RPA3: variants seen among roughly 807,000 people sequenced by gnomAD.
RPA3 encodes replication protein A3, also known as replication protein A 14 kDa subunit.
A neutral mutation model predicts 13.7 loss-of-function variants in RPA3; 24 were observed. The observed-to-expected ratio is 1.75, with a 90% confidence interval of 1.27 to 2.46. The LOEUF (loss-of-function observed/expected upper bound fraction) is 2.46, where lower values mean the gene tolerates loss of function less well. RPA3 is among the 30% of genes most tolerant of loss of function. The probability of loss-of-function intolerance (pLI) is 0.00; values close to 1 mark genes in which losing one functional copy is unlikely to be tolerated. For missense variants in RPA3, 183 were observed against 151.0 expected, an observed-to-expected ratio of 1.21 and a Z score of -1.11; for synonymous variants, 59 against 51.2, an observed-to-expected ratio of 1.15 and a Z score of -0.65.
At position 7,637,953 on chromosome 7, in the gene RPA3, C is replaced by G. The variant is rs775111887; in HGVS notation, c.194G>C (p.Gly65Ala). 2 of 1,613,170 alleles carry G rather than the reference C, an allele frequency of 1.2e-6. No homozygotes were observed. The highest frequency in any genetic ancestry group is 2.7e-5 in the African/African-American group (2 of 74,876). The change falls in exon 7 of 8, where the codon GGA becomes GCA. Residue 65 changes from glycine to alanine, a missense_variant. Gly to Ala is a moderately conservative substitution (Grantham distance 60). Coordinates refer to ENST00000223129, the MANE Select transcript of RPA3 (RefSeq NM_002947.5). ...TACTCTTCCAACCACTTCCACAATT[C>G]CAGAGATTTCTTCATCAAGCTAAGA... is the stretch of plus-strand genomic sequence containing the variant. ...LMEPLDEEIS[G>A]IVEVVGRVTA...
intron 4 of RPA3, among the ~76,000 whole-genome samples, chr7:7,657,624 A>G (rs548749309): frequency 6.2e-4 from 94 of 151,866 alleles, no homozygotes; most frequent in African/African-American, 2.2e-3. Context: ...ATGGTTGTAG[A>G]TGTGTGGTAT....
chr7:7,713,682 G>T (rs1301312760), intron 2 of RPA3, among the ~76,000 whole-genome samples: 1 of 151,794 alleles, frequency 6.6e-6, no homozygotes, highest in Non-Finnish European at 1.5e-5. Flanking sequence ...TTTGTCCTTG[G>T]ATCATCATTT....
At chr7:7,672,515 T>C (rs546591619) in intron 4 of RPA3, among the ~76,000 whole-genome samples, 21 of 152,318 alleles carry the variant, frequency 1.4e-4, no homozygotes, top group African/African-American at 4.8e-4. Context: ...AATCTCACTT[T>C]GAATTGTATT....
intron 4 of RPA3, among the ~76,000 whole-genome samples, chr7:7,660,353 G>T (rs1256119231): frequency 6.6e-6 from 1 of 152,194 alleles, no homozygotes; most frequent in East Asian, 1.9e-4. Flanking sequence ...TATTATGCCA[G>T]CTGGTTATTT....
intron 4 of RPA3, among the ~76,000 whole-genome samples, chr7:7,647,174 C>T (rs141733043): frequency 2.0e-5 from 3 of 152,280 alleles, no homozygotes; most frequent in Admixed American, 2.0e-4. Flanking sequence ...ACATTTCCCA[C>T]AAGTTTTTAT....
rs1455145856 is a variant in RPA3, at chr7:7,662,632, C to T, written c.-757-21457G>A. On this transcript the variant is annotated intron_variant, in intron 4 of 7. Transcript: ENST00000223129. ...ACCCCACCCTGTTTCTGTTCGCCCTCCTTGGGCTGCACCCACTGTCTAACC... is the reference window on the plus strand; with the variant it reads ...ACCCCACCCTGTTTCTGTTCGCCCTTCTTGGGCTGCACCCACTGTCTAACC... 3.9e-5 allele frequency among the ~76,000 whole-genome samples: 6 copies of T among 152,254 alleles called. No homozygotes were observed. In the East Asian group the frequency reaches 9.7e-4, roughly 25 times the overall value.
intron 4 of RPA3, among the ~76,000 whole-genome samples, chr7:7,651,724 G>T (rs1378365809): frequency 6.6e-6 from 1 of 152,128 alleles, no homozygotes; most frequent in Non-Finnish European, 1.5e-5. Context: ...ATTCCCAAAG[G>T]CTAACAGGCA....
intron 4 of RPA3, among the ~76,000 whole-genome samples, chr7:7,644,883 C>G (rs1785060640): frequency 6.6e-6 from 1 of 152,176 alleles, no homozygotes. Context: ...CAAAATTGCA[C>G]TGTATCCTTG....
intron 2 of RPA3, among the ~76,000 whole-genome samples, chr7:7,701,087 C>T (rs904380279): frequency 4.6e-5 from 7 of 152,138 alleles, no homozygotes; most frequent in Admixed American, 4.6e-4. Flanking sequence ...ATAATTCACA[C>T]TTGGATCTCT....
intron 4 of RPA3, among the ~76,000 whole-genome samples, chr7:7,655,191 C>T (rs1047957653): frequency 5.9e-5 from 9 of 152,030 alleles, no homozygotes; most frequent in African/African-American, 2.2e-4. Context: ...CTCTCCATGG[C>T]AGACAGAGCC....
intron 2 of RPA3, among the ~76,000 whole-genome samples, chr7:7,695,885 T>C (rs1017286502): frequency 1.4e-4 from 21 of 152,138 alleles, no homozygotes; most frequent in African/African-American, 4.6e-4. Context: ...AATGGTTGGA[T>C]TTAGTATCCA....
intron 2 of RPA3, among the ~76,000 whole-genome samples, chr7:7,702,316 C>A (rs1195337440): frequency 1.3e-5 from 2 of 152,120 alleles, no homozygotes; most frequent in Non-Finnish European, 2.9e-5. Flanking sequence ...CCTATGCTTC[C>A]TAAACTGACT....
At chr7:7,654,033 G>A (rs901732866) in intron 4 of RPA3, among the ~76,000 whole-genome samples, 5 of 152,126 alleles carry the variant, frequency 3.3e-5, no homozygotes, top group Non-Finnish European at 7.4e-5. Flanking sequence ...ATTCCGTTCT[G>A]TTTTTCATAT....
At chr7:7,696,192 G>C (rs1479228206) in intron 2 of RPA3, among the ~76,000 whole-genome samples, 1 of 150,948 alleles carries the variant, frequency 6.6e-6, no homozygotes, top group Non-Finnish European at 1.5e-5. Context: ...TTTTTGTAGA[G>C]ATGGGGGTTT....
At chr7:7,707,998 C>T (rs767499825) in intron 2 of RPA3, among the ~76,000 whole-genome samples, 2 of 152,084 alleles carry the variant, frequency 1.3e-5, no homozygotes, top group East Asian at 1.9e-4. Flanking sequence ...TTTTTTAATG[C>T]GGCTCCTCCT....
chr7:7,681,503 C>G (rs1185693784), intron 4 of RPA3, among the ~76,000 whole-genome samples: 1 of 152,022 alleles, frequency 6.6e-6, no homozygotes, highest in East Asian at 1.9e-4. Flanking sequence ...TCTAGTGGTG[C>G]CGAATAAGAA....
At chr7:7,654,464 A>C (rs943430037) in intron 4 of RPA3, among the ~76,000 whole-genome samples, 1 of 152,256 alleles carries the variant, frequency 6.6e-6, no homozygotes, top group African/African-American at 2.4e-5. Flanking sequence ...GATTGGTTCC[A>C]GGACTTCCTG....
At chr7:7,707,105 A>G (rs926803755) in intron 2 of RPA3, among the ~76,000 whole-genome samples, 1 of 152,158 alleles carries the variant, frequency 6.6e-6, no homozygotes, top group South Asian at 2.1e-4. Context: ...CTATTGTACT[A>G]CCATTCCCTG....
intron 4 of RPA3, among the ~76,000 whole-genome samples, chr7:7,678,409 TA>T (rs950516884): frequency 6.9e-5 from 10 of 145,126 alleles, no homozygotes; most frequent in Non-Finnish European, 1.4e-4. Context: ...TTCAGATATA[TA>T]AAAAAATATA....
Sources: gnomAD v4.1 joint callset for allele counts (sites outside exome capture counted in the v4.1 genomes callset) on GRCh38, gnomAD v4.1.1 for gene constraint, MANE v1.5 for transcripts, NCBI Gene and HGNC (gene_info 2026-07-23, HGNC 2026-07-21) for gene names.